DNAAF9: variants seen among roughly 807,000 people sequenced by gnomAD.
DNAAF9 encodes shulin.
In DNAAF9, 90 loss-of-function variants were observed where a neutral mutation model predicts 167.0. The ratio of observed to expected loss-of-function variants is 0.54; its 90% CI spans 0.45 to 0.64. DNAAF9 has a LOEUF of 0.64. DNAAF9 is among the 30% of genes least tolerant of loss of function. The pLI is 0.00. For synonymous variants in DNAAF9, 491 were observed against 508.8 expected, an observed-to-expected ratio of 0.96 and a Z score of 0.47; for missense variants, 1,315 against 1,442.2, an observed-to-expected ratio of 0.91 and a Z score of 1.43.
At chr20:3,342,692 C>T (rs1469232094) in intron 9 of DNAAF9, among the ~76,000 whole-genome samples, 1 of 152,122 alleles carries the variant, frequency 6.6e-6, no homozygotes, top group Non-Finnish European at 1.5e-5. Context: ...CTAGGTGACA[C>T]TTTGGGCAGA....
chr20:3,284,155 C>A (rs79792895), intron 27 of DNAAF9, among the ~76,000 whole-genome samples: 1 of 150,314 alleles, frequency 6.7e-6, no homozygotes, highest in Non-Finnish European at 1.5e-5. Flanking sequence ...GGAAGCACCA[C>A]GCTCAAGTTA....
intron 20 of DNAAF9, among the ~76,000 whole-genome samples, chr20:3,313,974 T>C (rs1247003591): frequency 2.6e-5 from 4 of 152,302 alleles, no homozygotes; most frequent in Middle Eastern, 3.4e-3. Context: ...CCCAGCTGAA[T>C]TTCAAAGCTG....
At chr20:3,342,845 G>A (rs1035191453) in intron 9 of DNAAF9, among the ~76,000 whole-genome samples, 1 of 152,128 alleles carries the variant, frequency 6.6e-6, no homozygotes, top group Non-Finnish European at 1.5e-5. Flanking sequence ...AGAGATGTGG[G>A]AGAAAACACT....
At chr20:3,252,904 G>A (rs1275879076) in intron 36 of DNAAF9, among the ~76,000 whole-genome samples, 5 of 152,234 alleles carry the variant, frequency 3.3e-5, no homozygotes. Context: ...TCCTAGAACT[G>A]AGCCCTTCAG....
intron 1 of DNAAF9, among the ~76,000 whole-genome samples, chr20:3,385,226 A>G (rs948559840): frequency 1.3e-5 from 2 of 151,944 alleles, no homozygotes; most frequent in African/African-American, 2.4e-5. Flanking sequence ...CAACAGAATA[A>G]GGCAATAAAA....
At chr20:3,364,625 C>G (rs535503418) in intron 6 of DNAAF9, among the ~76,000 whole-genome samples, 37 of 152,216 alleles carry the variant, frequency 2.4e-4, no homozygotes, top group South Asian at 2.3e-3. Context: ...TTTTGGTTTC[C>G]TAGTACATAT....
At chr20:3,258,031 A>AT (rs1411228373) in intron 33 of DNAAF9, among the ~76,000 whole-genome samples, 1 of 92,632 alleles carries the variant, frequency 1.1e-5, no homozygotes, top group East Asian at 2.8e-4. Context: ...GCCTGGCCTA[A>AT]TTTTTTTTAT....
chr20:3,405,641 C>T (rs1321266316), intron 1 of DNAAF9, among the ~76,000 whole-genome samples: 2 of 152,174 alleles, frequency 1.3e-5, no homozygotes, highest in African/African-American at 4.8e-5. Flanking sequence ...AGTGAGCCAG[C>T]ATACTTCTTT....
chr20:3,267,213 G>C (rs1199002537), intron 30 of DNAAF9, among the ~76,000 whole-genome samples: 1 of 152,166 alleles, frequency 6.6e-6, no homozygotes, highest in African/African-American at 2.4e-5. Context: ...ATAATTCATA[G>C]TTCCAGTATT....
At chr20:3,382,003 A>G (rs1176403418) in intron 2 of DNAAF9, among the ~76,000 whole-genome samples, 1 of 152,172 alleles carries the variant, frequency 6.6e-6, no homozygotes, top group African/African-American at 2.4e-5. Flanking sequence ...ATGCCTGCAA[A>G]TGACCCTCAT....
chr20:3,275,957 T>TA (rs2068669518), intron 29 of DNAAF9, among the ~76,000 whole-genome samples: 1 of 152,208 alleles, frequency 6.6e-6, no homozygotes, highest in Non-Finnish European at 1.5e-5. Flanking sequence ...GCCATGACAG[T>TA]AAAGTATCTC....
chr20:3,259,085 A>G (rs2068332751), intron 33 of DNAAF9, among the ~76,000 whole-genome samples: 1 of 152,208 alleles, frequency 6.6e-6, no homozygotes, highest in East Asian at 1.9e-4. Context: ...ACAGAAGCTC[A>G]AAGACTTTGG....
chr20:3,264,361 C>CT (rs146888657), intron 31 of DNAAF9, 77 bp downstream of exon 31: 37,573 of 531,848 alleles, frequency 0.071, no homozygotes, highest in East Asian at 0.085. Context: ...CACCTTCTCT[C>CT]TTTTTTTTTT....
intron 1 of DNAAF9, among the ~76,000 whole-genome samples, chr20:3,397,539 T>C (rs4815587): frequency 0.74 from 112,096 of 152,076 alleles, 41,588 homozygotes; most frequent in African/African-American, 0.82. Flanking sequence ...AGGATGGTCT[T>C]GATCTCCTGA....
At chr20:3,269,274 A>C (rs1366536954) in intron 30 of DNAAF9, among the ~76,000 whole-genome samples, 2 of 150,082 alleles carry the variant, frequency 1.3e-5, no homozygotes, top group African/African-American at 4.9e-5. Context: ...CAATGGTGTG[A>C]TCATGGCTCA....
intron 25 of DNAAF9, among the ~76,000 whole-genome samples, chr20:3,293,707 T>C (rs1055557385): frequency 2.0e-5 from 3 of 147,958 alleles, no homozygotes; most frequent in African/African-American, 7.5e-5. Flanking sequence ...CTGGGGAAGA[T>C]AGTGTTTATA....
intron 7 of DNAAF9, among the ~76,000 whole-genome samples, chr20:3,355,811 T>A (rs1203607893): frequency 2.6e-5 from 4 of 152,286 alleles, no homozygotes; most frequent in African/African-American, 7.2e-5. Flanking sequence ...AATACTGGTA[T>A]CAATATTCAT....
At chr20:3,397,947 AGT>A (rs1023853419) in intron 1 of DNAAF9, among the ~76,000 whole-genome samples, 2 of 152,136 alleles carry the variant, frequency 1.3e-5, no homozygotes, top group African/African-American at 4.8e-5. Context: ...TCAGAGAATG[AGT>A]GGGAAAGCAG....
intron 6 of DNAAF9, among the ~76,000 whole-genome samples, chr20:3,367,485 T>A (rs1304785529): frequency 1.3e-5 from 2 of 152,228 alleles, no homozygotes; most frequent in African/African-American, 4.8e-5. Context: ...TTCACCAAGC[T>A]TAACCATTTC....
Sources: gnomAD v4.1 joint callset for allele counts (sites outside exome capture counted in the v4.1 genomes callset) on GRCh38, gnomAD v4.1.1 for gene constraint, MANE v1.5 for transcripts, NCBI Gene and HGNC (gene_info 2026-07-23, HGNC 2026-07-21) for gene names.